The following CHD6 variants were observed in gnomAD, a reference collection of about 807,000 sequenced individuals.
CHD6 encodes chromodomain helicase DNA binding protein 6.
A neutral mutation model predicts 276.9 loss-of-function variants in CHD6; 50 were observed. The observed-to-expected ratio is 0.18, with a 90% confidence interval of 0.14 to 0.23. The LOEUF (loss-of-function observed/expected upper bound fraction) is 0.23, where lower values mean the gene tolerates loss of function less well. Ranked by LOEUF, CHD6 falls within the 10% of genes least tolerant of loss-of-function variation. CHD6 has a pLI of 1.00. For missense variants in CHD6, 2,564 were observed against 3,365.8 expected, an observed-to-expected ratio of 0.76 and a Z score of 5.89; for synonymous variants, 1,173 against 1,229.3, an observed-to-expected ratio of 0.95 and a Z score of 0.96.
At chr20:41,448,485 G>T (rs1221674173) in intron 23 of CHD6, among the ~76,000 whole-genome samples, 5 of 152,220 alleles carry the variant, frequency 3.3e-5, no homozygotes, top group Non-Finnish European at 5.9e-5. Context: ...CCAAGGGAAT[G>T]CATCAAACAT....
At chr20:41,456,398 A>G (rs2048378667) in intron 18 of CHD6, among the ~76,000 whole-genome samples, 1 of 152,058 alleles carries the variant, frequency 6.6e-6, no homozygotes, top group Non-Finnish European at 1.5e-5. Context: ...TATGTATATT[A>G]GTATTGTAAA....
At chr20:41,491,484 A>C (rs558331688) in intron 11 of CHD6, among the ~76,000 whole-genome samples, 1 of 151,720 alleles carries the variant, frequency 6.6e-6, no homozygotes, top group African/African-American at 2.4e-5. Flanking sequence ...AAAGGCACAA[A>C]GTCAGTGATG....
chr20:41,417,502 T>G (rs1003410310), intron 31 of CHD6, among the ~76,000 whole-genome samples, 153 bp from the exon 32 acceptor site: 2 of 152,234 alleles, frequency 1.3e-5, no homozygotes, highest in Admixed American at 1.3e-4. Flanking sequence ...TATCTTCTAT[T>G]TCCAGGAGAA....
At chr20:41,451,773 G>C in intron 22 of CHD6, 53 bp downstream of exon 22, 1 of 1,490,544 alleles carries the variant, frequency 6.7e-7, no homozygotes, top group Non-Finnish European at 9.4e-7. Flanking sequence ...GAGGAAGAGG[G>C]GATGAAGTGC....
chr20:41,440,333 C>T (rs1478568420), intron 25 of CHD6, among the ~76,000 whole-genome samples: 1 of 152,192 alleles, frequency 6.6e-6, no homozygotes, highest in Non-Finnish European at 1.5e-5. Context: ...GTTTGACCAA[C>T]AAACAATGGC....
chr20:41,488,027 A>C (rs1319381494), intron 13 of CHD6, among the ~76,000 whole-genome samples: 1 of 152,192 alleles, frequency 6.6e-6, no homozygotes, highest in Non-Finnish European at 1.5e-5. Context: ...TAATTAAAGC[A>C]ACTATTCACT....
At chr20:41,576,068 T>C (rs945128796) in intron 1 of CHD6, among the ~76,000 whole-genome samples, 4 of 152,092 alleles carry the variant, frequency 2.6e-5, no homozygotes. Context: ...AATTAATTCT[T>C]TTTTTTTCTT....
intron 5 of CHD6, among the ~76,000 whole-genome samples, chr20:41,503,108 G>A (rs183539228): frequency 7.9e-4 from 120 of 152,190 alleles, no homozygotes; most frequent in Admixed American, 1.1e-3. Context: ...TAGCATAGAC[G>A]GCTTGTGTAT....
chr20:41,449,208 G>A (rs950345612), intron 23 of CHD6, among the ~76,000 whole-genome samples: 6 of 152,102 alleles, frequency 3.9e-5, no homozygotes, highest in African/African-American at 1.4e-4. Flanking sequence ...CAACCTGTTT[G>A]TTTATTTATT....
At chr20:41,494,511 C>T (rs1316518476) in intron 8 of CHD6, among the ~76,000 whole-genome samples, 2 of 152,150 alleles carry the variant, frequency 1.3e-5, no homozygotes, top group South Asian at 2.1e-4. Flanking sequence ...AAGGTATGTC[C>T]AGAGTAATGC....
chr20:41,417,286 A>T lies in CHD6; in HGVS notation c.6191T>A (p.Ile2064Asn). 5 of 1,614,128 alleles carry T rather than the reference A, an allele frequency of 3.1e-6. No individual in the cohort carries two copies. The East Asian group carries it at 8.9e-5, about 29-fold the overall frequency. Residue 2064 changes from isoleucine (I) to asparagine (N), a missense_variant, in exon 32 of 37, where the codon ATT (isoleucine) becomes AAT (asparagine). By Grantham distance (149) the Ile-to-Asn change is moderately radical (BLOSUM62 -3). Around this residue, in one of 7 missense-constraint regions of CHD6, gnomAD observed 1,024 missense variants for 1,047.9 expected, o/e 0.98. Transcript: ENST00000373233. The stretch of plus-strand genomic sequence containing the variant: ...TCGAGCCTCCTGTAGCTCATCCCCA[A>T]TGTCTCCTGTGATGCCCGATGTTGA... ...KSSTSGITGD[I>N]GDELQEARAP... is the part of the protein sequence containing the mutation.
chr20:41,422,576 T>C (rs965989536), intron 30 of CHD6, among the ~76,000 whole-genome samples: 3 of 152,316 alleles, frequency 2.0e-5, no homozygotes, highest in Admixed American at 6.5e-5. Flanking sequence ...ACCCAGGAGT[T>C]TGAGGTTACA....
intron 1 of CHD6, among the ~76,000 whole-genome samples, chr20:41,600,263 CAT>C (rs1295710684): frequency 6.6e-6 from 1 of 152,198 alleles, no homozygotes; most frequent in Non-Finnish European, 1.5e-5. Flanking sequence ...TGGCACAAAT[CAT>C]ATGTTATAAT....
chr20:41,546,488 GC>G lies in CHD6; in HGVS notation c.33+4816del, dbSNP rs367736005. Among the ~76,000 whole-genome samples the G allele has an allele frequency of 9.2e-5, 14 of 152,258 alleles. No individual in the cohort carries two copies. In the East Asian group the frequency reaches 1.4e-3, roughly 15 times the overall value. ...CCTCTTACCCCTTAAGATGACACCTGCCTGCAGACCATATTATACATTACAT... is the reference window on the plus strand; with the variant it reads ...CCTCTTACCCCTTAAGATGACACCTGCTGCAGACCATATTATACATTACAT... On this transcript the variant is annotated intron_variant, in intron 2 of 36. Transcript: ENST00000373233.
At position 41,554,796 on chromosome 20, in the gene CHD6, G is replaced by A. The variant is rs371530101; in HGVS notation, c.-23-3436C>T. 1.5e-4 allele frequency among the ~76,000 whole-genome samples: 23 copies of A among 152,178 alleles called. No homozygotes were observed. In the East Asian group the frequency reaches 1.9e-3, roughly 13 times the overall value. On this transcript the variant is annotated intron_variant, in intron 1 of 36. Transcript: ENST00000373233. Reference sequence around the variant, plus strand: ...TGTCTACCTCTTTCTACACAGACACGGCAACCATCCGATTTCTCAATGTTT... The same window carrying A: ...TGTCTACCTCTTTCTACACAGACACAGCAACCATCCGATTTCTCAATGTTT...
At chr20:41,476,809 AG>A (rs1263570361) in intron 16 of CHD6, among the ~76,000 whole-genome samples, 1 of 152,032 alleles carries the variant, frequency 6.6e-6, no homozygotes, top group Non-Finnish European at 1.5e-5. Flanking sequence ...AGAAAGAAAA[AG>A]AAAAAAAAAA....
At chr20:41,470,768 C>T (rs1339054958) in intron 17 of CHD6, among the ~76,000 whole-genome samples, 1 of 152,232 alleles carries the variant, frequency 6.6e-6, no homozygotes, top group Admixed American at 6.5e-5. Context: ...TGACTATTCA[C>T]GTTCTTGCTT....
chr20:41,430,854 A>ATTTTT (rs61590579), intron 27 of CHD6, among the ~76,000 whole-genome samples: 9 of 127,596 alleles, frequency 7.1e-5, no homozygotes, highest in East Asian at 4.7e-4. Context: ...CAGAACATGA[A>ATTTTT]TTTTTTTTTT....
chr20:41,440,561 G>C (rs1224487040), intron 25 of CHD6, among the ~76,000 whole-genome samples: 1 of 152,140 alleles, frequency 6.6e-6, no homozygotes, highest in Non-Finnish European at 1.5e-5. Context: ...AATATAAAGA[G>C]AACTACGATG....
Sources: allele counts gnomAD v4.1 joint callset (sites outside exome capture counted in the v4.1 genomes callset), GRCh38; gene constraint gnomAD v4.1.1; regional missense constraint gnomAD v4.1.1; transcripts MANE v1.5; gene names NCBI Gene and HGNC (gene_info 2026-07-23, HGNC 2026-07-21).